The following SDK1 variants were observed in gnomAD, a reference collection of about 807,000 sequenced individuals.
The protein encoded by SDK1 is sidekick cell adhesion molecule 1, also known as protein sidekick-1.
Under a neutral mutation model 245.5 loss-of-function variants are expected in SDK1, and 157 were observed. The observed-to-expected ratio is 0.64, with a 90% CI of 0.56 to 0.73. The LOEUF is 0.73. Among genes scored for constraint, SDK1 ranks in the 30% least tolerant of loss-of-function variants. The probability of loss-of-function intolerance (pLI) is 0.00; values close to 1 mark genes in which losing one functional copy is unlikely to be tolerated. For synonymous variants in SDK1, 1,647 were observed against 1,278.5 expected (o/e 1.29, Z -6.15); for missense variants, 3,583 against 3,002.3 (o/e 1.19, Z -4.52).
chr7:3,550,927 TTTCTTCTTATCATTC>T (rs1309800995), intron 1 of SDK1, among the ~76,000 whole-genome samples: 2 of 152,342 alleles, frequency 1.3e-5, no homozygotes, highest in East Asian at 3.9e-4. Context: ...TAGTTCAGAC[TTTCTTCTTATCATTC>T]TTGATTGTTA....
chr7:4,234,721 G>A (rs533851070), intron 41 of SDK1, among the ~76,000 whole-genome samples: 2 of 152,168 alleles, frequency 1.3e-5, no homozygotes, highest in Non-Finnish European at 2.9e-5. Flanking sequence ...AGTGACTTCC[G>A]TGGCTCCAGG....
At chr7:3,961,209 T>C (rs1781654899) in intron 8 of SDK1, among the ~76,000 whole-genome samples, 1 of 152,252 alleles carries the variant, frequency 6.6e-6, no homozygotes, top group African/African-American at 2.4e-5. Context: ...GAAGTGGTTA[T>C]TCCTTATGAA....
intron 14 of SDK1, among the ~76,000 whole-genome samples, chr7:4,008,168 A>G (rs1785642009): frequency 1.3e-5 from 2 of 152,170 alleles, no homozygotes; most frequent in South Asian, 4.1e-4. Context: ...GACTTATTTC[A>G]TGTAGTATAC....
chr7:3,520,264 T>G (rs1259981306), intron 1 of SDK1, among the ~76,000 whole-genome samples: 1 of 152,172 alleles, frequency 6.6e-6, no homozygotes, highest in Admixed American at 6.6e-5. Flanking sequence ...CTGCTTTCTT[T>G]TAGAGCTGCT....
chr7:4,250,297 G>A (rs1787207952), intron 44 of SDK1, among the ~76,000 whole-genome samples: 1 of 151,540 alleles, frequency 6.6e-6, no homozygotes, highest in Admixed American at 6.6e-5. Flanking sequence ...TCCCTTTATA[G>A]GAAACAAACA....
chr7:3,437,169 C>T (rs763099723), intron 1 of SDK1, among the ~76,000 whole-genome samples: 2 of 152,100 alleles, frequency 1.3e-5, no homozygotes, highest in South Asian at 2.1e-4. Flanking sequence ...TTGTTCAGTA[C>T]CCTTCAGGGG....
intron 35 of SDK1, among the ~76,000 whole-genome samples, chr7:4,195,519 G>A (rs539074997): frequency 2.0e-5 from 3 of 152,282 alleles, no homozygotes; most frequent in South Asian, 4.1e-4. Context: ...GGAGTCTCTT[G>A]GGGAACCCAG....
intron 1 of SDK1, among the ~76,000 whole-genome samples, chr7:3,471,866 C>G (rs530550760): frequency 1.3e-5 from 2 of 152,154 alleles, no homozygotes; most frequent in African/African-American, 2.4e-5. Flanking sequence ...CTTCAATGTT[C>G]TCTGAAACAA....
chr7:4,010,675 A>G (rs1203945322), intron 14 of SDK1, among the ~76,000 whole-genome samples: 6 of 152,220 alleles, frequency 3.9e-5, no homozygotes, highest in Non-Finnish European at 7.3e-5. Flanking sequence ...TACTGAACAC[A>G]GGAATTAGGG....
At chr7:4,177,193 C>T (rs1023123384) in intron 34 of SDK1, among the ~76,000 whole-genome samples, 28 of 152,274 alleles carry the variant, frequency 1.8e-4, no homozygotes, top group South Asian at 4.2e-4. Context: ...CAAGGACGGG[C>T]GCCTGAGTCA....
At chr7:4,107,490 C>CT (rs891675625) in intron 22 of SDK1, among the ~76,000 whole-genome samples, 25 of 148,978 alleles carry the variant, frequency 1.7e-4, no homozygotes, top group South Asian at 1.1e-3. Context: ...CTTTCTTCTT[C>CT]TTTTTTTTTT....
At chr7:3,537,937 T>G (rs1344023065) in intron 1 of SDK1, among the ~76,000 whole-genome samples, 2 of 152,052 alleles carry the variant, frequency 1.3e-5, no homozygotes, top group Admixed American at 1.3e-4. Context: ...CTGCAAAGAG[T>G]GAACCTCCAG....
chr7:3,755,541 T>A (rs1173495201), intron 4 of SDK1, among the ~76,000 whole-genome samples: 1 of 152,090 alleles, frequency 6.6e-6, no homozygotes, highest in Non-Finnish European at 1.5e-5. Context: ...GAATACTTAA[T>A]TTTTTTAATT....
intron 4 of SDK1, among the ~76,000 whole-genome samples, chr7:3,716,431 C>G (rs1261500672): frequency 6.6e-6 from 1 of 152,118 alleles, no homozygotes; most frequent in East Asian, 1.9e-4. Flanking sequence ...ACCATGAATT[C>G]TGTATTTGGC....
At chr7:3,787,657 C>A (rs1156708921) in intron 4 of SDK1, among the ~76,000 whole-genome samples, 1 of 151,964 alleles carries the variant, frequency 6.6e-6, no homozygotes, top group Non-Finnish European at 1.5e-5. Flanking sequence ...TCAGCTGGCC[C>A]GAGCCCTACC....
At chr7:4,259,527 G>A (rs1787843647) in intron 44 of SDK1, among the ~76,000 whole-genome samples, 1 of 152,192 alleles carries the variant, frequency 6.6e-6, no homozygotes, top group South Asian at 2.1e-4. Flanking sequence ...TAAGAATCCA[G>A]TGTTTCTCAA....
intron 5 of SDK1, among the ~76,000 whole-genome samples, chr7:3,902,448 T>C (rs2128105772): frequency 6.6e-6 from 1 of 152,332 alleles, no homozygotes; most frequent in African/African-American, 2.4e-5. Flanking sequence ...AGAGATTTAA[T>C]ATTTCCTTCT....
At chr7:3,869,566 C>T (rs1019956926) in intron 5 of SDK1, among the ~76,000 whole-genome samples, 3 of 152,180 alleles carry the variant, frequency 2.0e-5, no homozygotes, top group Non-Finnish European at 4.4e-5. Context: ...ACCCTGTGCC[C>T]CCAGCCCGCT....
chr7:3,347,416 C>A (rs7798418), intron 1 of SDK1, among the ~76,000 whole-genome samples: 9 of 151,778 alleles, frequency 5.9e-5, no homozygotes, highest in East Asian at 1.9e-4. Flanking sequence ...CTTACTATGC[C>A]TTTCCCAGAA....
Sources: allele counts gnomAD v4.1 joint callset (sites outside exome capture counted in the v4.1 genomes callset), GRCh38; gene constraint gnomAD v4.1.1; transcripts MANE v1.5; gene names NCBI Gene and HGNC (gene_info 2026-07-23, HGNC 2026-07-21).